Variants in CTNNA3 observed in about 807,000 individuals in gnomAD.
CTNNA3 encodes catenin alpha-3.
Under a neutral mutation model 95.7 loss-of-function variants are expected in CTNNA3, and 76 were observed. The observed-to-expected ratio is 0.79, with a 90% CI of 0.66 to 0.96. CTNNA3 has a LOEUF of 0.96. Among genes scored for constraint, CTNNA3 ranks in the 40% least tolerant of loss-of-function variants. The pLI is 0.00. For missense variants in CTNNA3, 1,191 were observed against 1,089.8 expected (o/e 1.09, Z -1.31); for synonymous variants, 431 against 374.4 (o/e 1.15, Z -1.74).
chr10:66,981,526 T>A (rs532778368), intron 7 of CTNNA3, among the ~76,000 whole-genome samples: 2 of 152,294 alleles, frequency 1.3e-5, no homozygotes, highest in South Asian at 2.1e-4. Flanking sequence ...TTACAGCATA[T>A]CTCCATTGCA....
intron 13 of CTNNA3, among the ~76,000 whole-genome samples, chr10:66,119,925 T>A (rs1377953581): frequency 6.6e-6 from 1 of 152,148 alleles, no homozygotes; most frequent in African/African-American, 2.4e-5. Context: ...AAGATAGCTG[T>A]CTCTGCCTTC....
chr10:66,808,669 A>AT (rs1409939356), intron 7 of CTNNA3, among the ~76,000 whole-genome samples: 1 of 152,148 alleles, frequency 6.6e-6, no homozygotes, highest in Non-Finnish European at 1.5e-5. Flanking sequence ...GGTCTGTCCC[A>AT]CTCAGGACAT....
At chr10:67,648,303 C>T (rs1839779605) in intron 1 of CTNNA3, among the ~76,000 whole-genome samples, 1 of 152,124 alleles carries the variant, frequency 6.6e-6, no homozygotes, top group African/African-American at 2.4e-5. Context: ...GCCATATTTT[C>T]AAATAGCTAT....
At chr10:66,460,111 T>C (rs962906661) in intron 11 of CTNNA3, among the ~76,000 whole-genome samples, 2 of 152,202 alleles carry the variant, frequency 1.3e-5, no homozygotes, top group African/African-American at 2.4e-5. Context: ...ATACGTTCTG[T>C]ACTGTTTTCC....
intron 2 of CTNNA3, among the ~76,000 whole-genome samples, chr10:67,621,764 A>AAG (rs1554864052): frequency 8.0e-6 from 1 of 125,228 alleles, no homozygotes. Context: ...AAAAAAAAAG[A>AAG]AAAGAAAAGA....
intron 9 of CTNNA3, among the ~76,000 whole-genome samples, chr10:66,749,224 A>G (rs912234722): frequency 5.9e-4 from 86 of 146,264 alleles, no homozygotes; most frequent in Non-Finnish European, 1.0e-3. Context: ...AAAAAAAAAA[A>G]AAAAGAAAAG....
At chr10:66,062,317 A>G (rs1039244445) in intron 15 of CTNNA3, among the ~76,000 whole-genome samples, 2 of 152,116 alleles carry the variant, frequency 1.3e-5, no homozygotes, top group Admixed American at 6.6e-5. Context: ...TTTTTAAACT[A>G]TAGAGCTATT....
At position 66,297,691 on chromosome 10, in the gene CTNNA3, A is replaced by T. The variant is rs144761946; in HGVS notation, c.1733-17070T>A. ...GATGTTTCTTATTGTCTACGTAATC[A>T]TGCAGAGTTAAGCAGTCACTGCAAC... On this transcript the variant is annotated intron_variant, in intron 12 of 17. Coordinates refer to ENST00000433211, the MANE Select transcript of CTNNA3 (RefSeq NM_013266.4). 2.0e-3 allele frequency among the ~76,000 whole-genome samples: 302 copies of T among 152,308 alleles called. 2 individuals carry two copies. The highest frequency in any genetic ancestry group is 7.0e-3 in the African/African-American group (289 of 41,564).
At chr10:67,092,777 G>A (rs1447333788) in intron 7 of CTNNA3, among the ~76,000 whole-genome samples, 1 of 151,888 alleles carries the variant, frequency 6.6e-6, no homozygotes, top group Non-Finnish European at 1.5e-5. Context: ...ATGTTGATAC[G>A]AGACAGTGAT....
chr10:66,716,992 C>T (rs890813687), intron 9 of CTNNA3, among the ~76,000 whole-genome samples: 1 of 151,152 alleles, frequency 6.6e-6, no homozygotes, highest in African/African-American at 2.4e-5. Flanking sequence ...TGTAGGTGGG[C>T]TTCACCCAGT....
chr10:66,133,537 AC>A (rs1411161825), intron 13 of CTNNA3, among the ~76,000 whole-genome samples: 1 of 151,760 alleles, frequency 6.6e-6, no homozygotes, highest in Non-Finnish European at 1.5e-5. Flanking sequence ...AAAACAAAAA[AC>A]AAAAAAAACA....
chr10:66,565,669 C>G (rs1435168565), intron 10 of CTNNA3, among the ~76,000 whole-genome samples: 1 of 152,174 alleles, frequency 6.6e-6, no homozygotes, highest in Non-Finnish European at 1.5e-5. Context: ...AATTCATTCT[C>G]CAGATCTCTG....
At chr10:67,720,129 C>T (rs201363013) in intron 1 of CTNNA3, among the ~76,000 whole-genome samples, 48 of 6,610 alleles carry the variant, frequency 7.3e-3, no homozygotes, top group African/African-American at 0.015. Flanking sequence ...GCAACCCCTG[C>T]TTTTTTTTTT....
At chr10:66,738,326 C>G (rs182831868) in intron 9 of CTNNA3, among the ~76,000 whole-genome samples, 107 of 152,210 alleles carry the variant, frequency 7.0e-4, no homozygotes, top group Middle Eastern at 3.4e-3. Context: ...TCATAGTTAG[C>G]TGATTCTGTT....
intron 5 of CTNNA3, among the ~76,000 whole-genome samples, chr10:67,314,249 G>A (rs1020138217): frequency 2.0e-5 from 3 of 152,012 alleles, no homozygotes; most frequent in Non-Finnish European, 4.4e-5. Context: ...TCTATACTAC[G>A]GCTAGGAAAT....
chr10:67,318,478 C>G (rs2132545550), intron 5 of CTNNA3, among the ~76,000 whole-genome samples: 1 of 152,190 alleles, frequency 6.6e-6, no homozygotes, highest in Non-Finnish European at 1.5e-5. Context: ...TGGATCTTTC[C>G]CCAGTAAAAT....
intron 7 of CTNNA3, among the ~76,000 whole-genome samples, chr10:66,907,735 C>G (rs1462797334): frequency 1.3e-5 from 2 of 152,120 alleles, no homozygotes; most frequent in East Asian, 1.9e-4. Context: ...TCTACCCCAA[C>G]AGATATCAAA....
intron 13 of CTNNA3, among the ~76,000 whole-genome samples, chr10:66,176,433 A>G (rs1426015001): frequency 1.3e-5 from 2 of 152,148 alleles, no homozygotes; most frequent in Non-Finnish European, 2.9e-5. Flanking sequence ...ATGCTCTTAC[A>G]TAAAAGGAAC....
In CTNNA3 at chr10:67,300,115, C is replaced by A. The variant is rs1589140184; in HGVS notation, c.580-80245G>T. 1.3e-5 allele frequency among the ~76,000 whole-genome samples: 2 copies of A among 152,160 alleles called. 1 individual carries two copies. The highest frequency in any genetic ancestry group is 2.9e-5 in the Non-Finnish European group (2 of 68,042). On this transcript the variant is annotated intron_variant, in intron 5 of 17. Coordinates refer to ENST00000433211, the MANE Select transcript of CTNNA3 (RefSeq NM_013266.4). ...TAGAAATTCTGGAGGTGGGGCCCAGCAACCTGGGTTTTAGCAAGCCCCCAA... is the reference window on the plus strand; with the variant it reads ...TAGAAATTCTGGAGGTGGGGCCCAGAAACCTGGGTTTTAGCAAGCCCCCAA...
Sources: gnomAD v4.1 joint callset for allele counts (sites outside exome capture counted in the v4.1 genomes callset) on GRCh38, gnomAD v4.1.1 for gene constraint, MANE v1.5 for transcripts, NCBI Gene and HGNC (gene_info 2026-07-23, HGNC 2026-07-21) for gene names.